NDUFB6: variants seen among roughly 807,000 people sequenced by gnomAD.
The protein encoded by NDUFB6 is NADH:ubiquinone oxidoreductase subunit B6, also known as NADH dehydrogenase [ubiquinone] 1 beta subcomplex subunit 6.
Under a neutral mutation model 17.5 loss-of-function variants are expected in NDUFB6, and 23 were observed. That is an observed-to-expected ratio of 1.31 (90% CI 0.94 to 1.86). The LOEUF is 1.86. NDUFB6 is among the 40% of genes most tolerant of loss of function. The probability of loss-of-function intolerance (pLI) is 0.00; values close to 1 mark genes in which losing one functional copy is unlikely to be tolerated. For synonymous variants in NDUFB6, 60 were observed against 53.5 expected, an observed-to-expected ratio of 1.12 and a Z score of -0.53; for missense variants, 167 against 153.8, an observed-to-expected ratio of 1.09 and a Z score of -0.46.
At chr9:32,572,586 G>A (rs1821966797) in intron 1 of NDUFB6, among the ~76,000 whole-genome samples, 1 of 152,174 alleles carries the variant, frequency 6.6e-6, no homozygotes, top group Admixed American at 6.5e-5. Context: ...TTATTCTGAG[G>A]GAAGATTTCT....
chr9:32,553,922 C>G lies in NDUFB6; in HGVS notation c.341G>C (p.Gly114Ala), dbSNP rs1294578046. 2 of 1,597,236 alleles carry G rather than the reference C, an allele frequency of 1.3e-6. No homozygotes were observed. The highest frequency in any genetic ancestry group is 2.2e-5 in the East Asian group (1 of 44,662). Residue 114 changes from glycine to alanine, a missense_variant, in exon 4 of 4, where the codon GGA (glycine) becomes GCA (alanine). By Grantham distance (60) the Gly-to-Ala change is moderately conservative. Coordinates refer to ENST00000379847, the MANE Select transcript of NDUFB6 (RefSeq NM_002493.5). ...TTCTTTCATTGGTGGAATTACTTCT[C>G]CAGTCTCCAGAATTGTATCACCCTA... ...IFPGDTILET[G>A]EVIPPMKEFP...
chr9:32,567,014 T>C (rs1361170841), intron 2 of NDUFB6: 4 of 499,464 alleles, frequency 8.0e-6, no homozygotes, highest in Non-Finnish European at 1.6e-5. Context: ...ACGAGGGAGC[T>C]AGAAGCAGAG....
chr9:32,565,385 T>C (rs965025950), intron 2 of NDUFB6: 1 of 152,192 alleles, frequency 6.6e-6, no homozygotes, highest in Admixed American at 6.5e-5. Context: ...CACCTCTCTT[T>C]TGGGCATTTA....
At chr9:32,561,235 A>T (rs1420321361) in intron 2 of NDUFB6, among the ~76,000 whole-genome samples, 2 of 152,112 alleles carry the variant, frequency 1.3e-5, no homozygotes, top group Non-Finnish European at 1.5e-5. Flanking sequence ...TAGAACTAAC[A>T]ATCTCATGTT....
intron 2 of NDUFB6, among the ~76,000 whole-genome samples, chr9:32,562,189 G>A (rs1013621259): frequency 5.3e-5 from 8 of 152,014 alleles, no homozygotes; most frequent in African/African-American, 1.7e-4. Context: ...TTTTTCCTCC[G>A]TACTCTTTCC....
chr9:32,569,792 A>C (rs1475038711), intron 2 of NDUFB6, among the ~76,000 whole-genome samples: 1 of 152,200 alleles, frequency 6.6e-6, no homozygotes, highest in Non-Finnish European at 1.5e-5. Context: ...CTAGGGCTAC[A>C]GGTGGGAGCC....
rs190741792 is a variant in NDUFB6 at position 32,570,928 on chromosome 9, T to C, written c.273+32A>G. The C allele has an allele frequency of 4.6e-5, 67 of 1,455,114 alleles. No homozygotes were observed. In the African/African-American group the frequency reaches 9.2e-4, roughly 20 times the overall value. 90.1% of individuals were successfully genotyped at this position (1,455,114 alleles called of 1,614,324 possible). A position where few individuals can be genotyped will look rare whatever the true frequency, so the allele number is the denominator to read the frequency against. The stretch of plus-strand genomic sequence containing the variant: ...ACAAAGAAAGTAATTTTGGACAATA[T>C]TAAAAATGAATTCTGAAAAGGACAT... On this transcript the variant is annotated intron_variant, in intron 2 of 3. Transcript: ENST00000379847.
intron 2 of NDUFB6, chr9:32,567,156 G>A (rs574219002): frequency 2.2e-4 from 107 of 476,302 alleles, no homozygotes; most frequent in South Asian, 1.3e-3. Context: ...TCTGGGCCCC[G>A]CAGGCAGTGG....
intron 3 of NDUFB6, among the ~76,000 whole-genome samples, chr9:32,555,342 G>A (rs912995582): frequency 6.6e-6 from 1 of 152,220 alleles, no homozygotes; most frequent in African/African-American, 2.4e-5. Context: ...CTGAGCAACA[G>A]AAGCCCAATA....
chr9:32,572,770 G>T, intron 1 of NDUFB6, 111 bp downstream of exon 1: 1 of 1,019,074 alleles, frequency 9.8e-7, no homozygotes, highest in Non-Finnish European at 1.4e-6. Flanking sequence ...GTGTCCCAGA[G>T]CACTGAGCGT....
intron 2 of NDUFB6, among the ~76,000 whole-genome samples, chr9:32,563,978 C>T (rs997162328): frequency 1.3e-5 from 2 of 152,172 alleles, no homozygotes; most frequent in East Asian, 1.9e-4. Context: ...TCTCTCCTCC[C>T]GCCCTAGAAT....
intron 2 of NDUFB6, chr9:32,568,731 C>CATATATATATATATATAT (rs774854110): frequency 2.2e-5 from 2 of 93,018 alleles, no homozygotes; most frequent in African/African-American, 8.6e-5. Context: ...TGTGTGTGTG[C>CATATATATATATATATAT]ATATATATAT....
chr9:32,568,748 A>ATATATATATAT (rs1213123923), intron 2 of NDUFB6: 16 of 114,366 alleles, frequency 1.4e-4, no homozygotes, highest in African/African-American at 4.7e-4. Flanking sequence ...ATATATATAT[A>ATATATATATAT]TTTTTTTTTT....
intron 2 of NDUFB6, among the ~76,000 whole-genome samples, chr9:32,562,654 T>C (rs1446568840): frequency 6.6e-6 from 1 of 152,204 alleles, no homozygotes; most frequent in African/African-American, 2.4e-5. Context: ...ATTACTCTAG[T>C]ATACTTCCTA....
intron 2 of NDUFB6, chr9:32,565,754 C>G (rs1821765508): frequency 6.5e-6 from 1 of 154,046 alleles, no homozygotes; most frequent in Non-Finnish European, 1.4e-5. Flanking sequence ...GGTGGATCAC[C>G]TGAGGTCAGG....
At chr9:32,563,761 C>T (rs1796452712) in intron 2 of NDUFB6, among the ~76,000 whole-genome samples, 1 of 152,146 alleles carries the variant, frequency 6.6e-6, no homozygotes, top group South Asian at 2.1e-4. Context: ...TATTAATTCA[C>T]TTATTTATAT....
chr9:32,566,189 T>C, intron 2 of NDUFB6: 1 of 751,666 alleles, frequency 1.3e-6, no homozygotes, highest in Non-Finnish European at 2.4e-6. Flanking sequence ...TTCAACCTTG[T>C]CTGGGGTTTG....
Position 32,553,725 on chromosome 9 carries a change from TACTC to T in NDUFB6, c.*147_*150del. 1 of 588,488 alleles carries T rather than the reference TACTC, an allele frequency of 1.7e-6. No homozygotes were observed. The highest frequency in any genetic ancestry group is 3.0e-6 in the Non-Finnish European group (1 of 329,834). 36.5% of individuals were successfully genotyped at this position (588,488 alleles called of 1,614,324 possible). On this transcript the variant is annotated 3_prime_UTR_variant, in exon 4 of 4. Transcript: ENST00000379847. ...GTCCACTTTTTACTTATTGTTAAATTACTCAGTCTCAAATTGTACAATGCTTGAA... is the reference window on the plus strand; with the variant it reads ...GTCCACTTTTTACTTATTGTTAAATTAGTCTCAAATTGTACAATGCTTGAA...
At chr9:32,559,287 AT>A (rs1821561828) in intron 2 of NDUFB6, among the ~76,000 whole-genome samples, 2 of 152,290 alleles carry the variant, frequency 1.3e-5, no homozygotes, top group East Asian at 3.9e-4. Context: ...TATACCCTGA[AT>A]CCAACTGGTT....
Sources: gnomAD v4.1 joint callset for allele counts (sites outside exome capture counted in the v4.1 genomes callset) on GRCh38, gnomAD v4.1.1 for gene constraint, MANE v1.5 for transcripts, NCBI Gene and HGNC (gene_info 2026-07-23, HGNC 2026-07-21) for gene names.